TMIGD3: variants seen among roughly 807,000 people sequenced by gnomAD.
The protein encoded by TMIGD3 is transmembrane and immunoglobulin domain containing 3.
TMIGD3 carries 21 observed loss-of-function variants against 28.1 expected under a neutral mutation model. That is an observed-to-expected ratio of 0.75 (90% confidence interval 0.53 to 1.08). The LOEUF is 1.08. Among genes scored for constraint, TMIGD3 ranks in the 50% least tolerant of loss-of-function variants. The pLI, the probability that TMIGD3 is intolerant of heterozygous loss-of-function variation, is 0.00. For synonymous variants in TMIGD3, 151 were observed against 162.1 expected, an observed-to-expected ratio of 0.93 and a Z score of 0.52; for missense variants, 416 against 435.6, an observed-to-expected ratio of 0.96 and a Z score of 0.40.
At chr1:111,538,464 G>A (rs1571447090) in intron 1 of TMIGD3, among the ~76,000 whole-genome samples, 1 of 152,294 alleles carries the variant, frequency 6.6e-6, no homozygotes, top group South Asian at 2.1e-4. Context: ...TGGTGAGGAT[G>A]TCTCTCTTTT....
At chr1:111,510,867 A>G (rs951090655) in intron 1 of TMIGD3, among the ~76,000 whole-genome samples, 17 of 152,188 alleles carry the variant, frequency 1.1e-4, no homozygotes, top group African/African-American at 3.9e-4. Flanking sequence ...AAGTGGTCCA[A>G]AATGACATTT....
chr1:111,531,280 A>T (rs1322154518), intron 1 of TMIGD3, among the ~76,000 whole-genome samples: 1 of 151,778 alleles, frequency 6.6e-6, no homozygotes, highest in Non-Finnish European at 1.5e-5. Flanking sequence ...CTGTCTCCAG[A>T]AAAGAAAAAA....
At chr1:111,549,616 C>T (rs1571457907) in intron 1 of TMIGD3, among the ~76,000 whole-genome samples, 1 of 150,148 alleles carries the variant, frequency 6.7e-6, no homozygotes, top group South Asian at 2.1e-4. Context: ...TGCCACTGCA[C>T]TCCAGCCTGG....
chr1:111,499,961 T>A (rs745764662), intron 1 of TMIGD3: 39 of 1,613,798 alleles, frequency 2.4e-5, no homozygotes, highest in African/African-American at 4.0e-5. Context: ...TACTCAGAAT[T>A]CTTCTCAATG....
At chr1:111,547,859 A>G (rs908530077) in intron 1 of TMIGD3, among the ~76,000 whole-genome samples, 1 of 152,134 alleles carries the variant, frequency 6.6e-6, no homozygotes, top group African/African-American at 2.4e-5. Context: ...GCTTTGTCTA[A>G]CTCTCTTAAA....
chr1:111,549,921 G>A (rs967562473), intron 1 of TMIGD3, among the ~76,000 whole-genome samples: 5 of 152,124 alleles, frequency 3.3e-5, no homozygotes, highest in African/African-American at 1.2e-4. Flanking sequence ...CCAAAGTGCT[G>A]GAATTACAGG....
At chr1:111,523,374 C>G (rs1656145423) in intron 1 of TMIGD3, among the ~76,000 whole-genome samples, 2 of 152,158 alleles carry the variant, frequency 1.3e-5, no homozygotes, top group Admixed American at 1.3e-4. Flanking sequence ...TATTGTTAGA[C>G]TCAACGTTGC....
chr1:111,527,598 A>T (rs1428713062), intron 1 of TMIGD3, among the ~76,000 whole-genome samples: 2 of 152,218 alleles, frequency 1.3e-5, no homozygotes, highest in Non-Finnish European at 2.9e-5. Context: ...CTGTCTTCCA[A>T]AGTGTCTTCA....
At chr1:111,502,541 G>A (rs1655294318) in intron 1 of TMIGD3, among the ~76,000 whole-genome samples, 1 of 147,406 alleles carries the variant, frequency 6.8e-6, no homozygotes, top group African/African-American at 2.5e-5. Context: ...ATTGAAGTAG[G>A]CACAGAATAG....
chr1:111,511,641 T>G (rs915337402), intron 1 of TMIGD3, among the ~76,000 whole-genome samples: 1 of 150,192 alleles, frequency 6.7e-6, no homozygotes, highest in Admixed American at 6.6e-5. Flanking sequence ...TTTCATTCCC[T>G]CATCTCTGTG....
intron 1 of TMIGD3, among the ~76,000 whole-genome samples, chr1:111,496,948 C>T (rs975121811): frequency 6.6e-5 from 10 of 152,098 alleles, no homozygotes; most frequent in African/African-American, 2.4e-4. Flanking sequence ...CACCCTAGTT[C>T]CAGCTTATTC....
intron 1 of TMIGD3, among the ~76,000 whole-genome samples, chr1:111,551,851 C>T (rs560990498): frequency 2.0e-5 from 3 of 151,728 alleles, no homozygotes; most frequent in South Asian, 2.1e-4. Context: ...GTTTACAGTT[C>T]GGCCTTGGCC....
At chr1:111,507,692 G>T (rs567301040), upstream of TMIGD3, among the ~76,000 whole-genome samples, 25 of 152,226 alleles carry the variant, frequency 1.6e-4, no homozygotes, top group Non-Finnish European at 2.9e-4. Context: ...TCTGCCCAAG[G>T]CTGTCTCCCA....
chr1:111,490,667 G>A lies in TMIGD3; in HGVS notation c.446C>T (p.Ala149Val). 6.2e-7 allele frequency: 1 copy of A among 1,612,582 alleles called. No individual in the cohort carries two copies. Among genetic ancestry groups the A allele is most frequent in the Non-Finnish European group, 8.5e-7 (1 of 1,178,666 alleles). The change falls in exon 2 of 6, where the codon GCT (alanine) becomes GTT (valine). Residue 149 changes from alanine (A) to valine (V), a missense_variant. Transcript: ENST00000369716. ...VMWLFILLSL[A>V]LISDAMVMDE... ...GTCCCCCATCCTACCTGAAATGAGA[G>A]CCAAGGAGAGTAGAATGAAGAGCCA...
Position 111,485,758 on chromosome 1 carries a change from T to C in TMIGD3, c.955A>G (p.Ser319Gly). The change falls in exon 5 of 6, where the codon AGT (serine) becomes GGT (glycine). Residue 319 changes from serine (S) to glycine (G), a missense_variant. Coordinates refer to ENST00000369716, the MANE Select transcript of TMIGD3 (RefSeq NM_020683.7). ...TACTTACCCCTTCTATTCCTTTGAC[T>C]TCTCCTCCTTTTGGTCAAATGACTG... Reference protein sequence around the residue: ...VISHLTKRRRSQRNRRVGNTL... With the variant: ...VISHLTKRRRGQRNRRVGNTL... 1.4e-6 allele frequency: 2 copies of C among 1,440,256 alleles called. No homozygotes were observed. Among genetic ancestry groups the C allele is most frequent in the Non-Finnish European group, 1.9e-6 (2 of 1,045,078 alleles). The allele number at this position is 1,440,256 out of a possible 1,614,324, so 89.2% of individuals were successfully genotyped here.
chr1:111,497,184 C>T (rs935965232), intron 1 of TMIGD3, among the ~76,000 whole-genome samples: 1 of 152,168 alleles, frequency 6.6e-6, no homozygotes, highest in Non-Finnish European at 1.5e-5. Context: ...GATCTCGGCT[C>T]ACTGCAAGCT....
chr1:111,495,737 A>C (rs1205284302), intron 1 of TMIGD3, among the ~76,000 whole-genome samples: 1 of 152,254 alleles, frequency 6.6e-6, no homozygotes, highest in Non-Finnish European at 1.5e-5. Flanking sequence ...CACAATAGCA[A>C]AGACATGGAA....
chr1:111,553,783 T>A lies in TMIGD3; in HGVS notation c.107+10063A>T, dbSNP rs147178250. Among the ~76,000 whole-genome samples, 519 of 152,322 alleles carry A rather than the reference T, an allele frequency of 3.4e-3. 1 individual carries two copies. Among genetic ancestry groups the A allele is most frequent in the African/African-American group, 0.012 (497 of 41,584 alleles). On this transcript the variant is annotated intron_variant, in intron 1 of 5. Transcript: ENST00000369717. ...TTGTTGGAATTCCTTTCCTTTCCCC[T>A]TTTTTCCTATTTAGTCAACTCAAAT...
intron 1 of TMIGD3, chr1:111,542,342 C>A: frequency 2.4e-6 from 1 of 410,660 alleles, no homozygotes; most frequent in Non-Finnish European, 5.0e-6. Context: ...TGTGTGGCTC[C>A]TTCCACGTGG....
Sources: allele counts gnomAD v4.1 joint callset (sites outside exome capture counted in the v4.1 genomes callset), GRCh38; gene constraint gnomAD v4.1.1; transcripts MANE v1.5; gene names NCBI Gene and HGNC (gene_info 2026-07-23, HGNC 2026-07-21).